The following NOX4 variants were observed in gnomAD, a reference collection of about 807,000 sequenced individuals.
NOX4 encodes the protein kidney oxidase-1.
Under a neutral mutation model 87.6 loss-of-function variants are expected in NOX4, and 69 were observed. That is an observed-to-expected ratio of 0.79 (90% CI 0.65 to 0.96). NOX4 has a LOEUF of 0.96. Ranked by LOEUF, NOX4 falls within the 40% of genes least tolerant of loss-of-function variation. The pLI is 0.00. For synonymous variants in NOX4, 275 were observed against 238.2 expected (o/e 1.15, Z -1.42); for missense variants, 680 against 681.5 (o/e 1.00, Z 0.02).
chr11:89,374,948 T>G (rs1939728547), intron 11 of NOX4, among the ~76,000 whole-genome samples: 1 of 151,996 alleles, frequency 6.6e-6, no homozygotes, highest in Non-Finnish European at 1.5e-5. Context: ...GAGAAATAAA[T>G]GAAGATAAAA....
chr11:89,344,939 T>C (rs1451325553), intron 13 of NOX4, among the ~76,000 whole-genome samples: 4 of 152,164 alleles, frequency 2.6e-5, no homozygotes, highest in Admixed American at 2.6e-4. Context: ...TCCAGGACAA[T>C]TATCATCTAA....
At position 89,400,360 on chromosome 11, in the gene NOX4, C is replaced by A; in HGVS notation, c.866G>T (p.Gly289Val). 6.3e-7 allele frequency: 1 copy of A among 1,577,706 alleles called. No individual in the cohort carries two copies. The highest frequency in any genetic ancestry group is 8.6e-7 in the Non-Finnish European group (1 of 1,165,164). ...TTCGGCACAGTACAGGCACAAAGGTCCAGAAATCCAAAGCCAAGTCTAAGA... is the reference window on the plus strand; with the variant it reads ...TTCGGCACAGTACAGGCACAAAGGTACAGAAATCCAAAGCCAAGTCTAAGA... Reference protein sequence around the residue: ...NFPQTWLWISGPLCLYCAERL... With the variant: ...NFPQTWLWISVPLCLYCAERL... The change falls in exon 10 of 18, where the codon GGA becomes GTA. Residue 289 changes from glycine (G) to valine (V), a missense_variant. By Grantham distance (109) the Gly-to-Val change is moderately radical (BLOSUM62 -3). Transcript: ENST00000263317.
At chr11:89,431,824 C>T (rs1429850391) in intron 7 of NOX4, among the ~76,000 whole-genome samples, 7 of 152,088 alleles carry the variant, frequency 4.6e-5, no homozygotes, top group Non-Finnish European at 1.0e-4. Flanking sequence ...CTAGAAATAC[C>T]ATTTGACCCA....
intron 12 of NOX4, among the ~76,000 whole-genome samples, chr11:89,358,166 C>G (rs1938217978): frequency 6.6e-6 from 1 of 151,966 alleles, no homozygotes; most frequent in Non-Finnish European, 1.5e-5. Flanking sequence ...ATGTGGATCA[C>G]CTGAGTTCAG....
intron 12 of NOX4, among the ~76,000 whole-genome samples, chr11:89,356,755 C>T (rs1410443652): frequency 6.6e-6 from 1 of 151,988 alleles, no homozygotes; most frequent in Non-Finnish European, 1.5e-5. Flanking sequence ...TATTGTGCCA[C>T]CAAGATACAG....
intron 1 of NOX4, chr11:89,490,811 G>A (rs879340865): frequency 8.6e-6 from 6 of 698,704 alleles, no homozygotes; most frequent in Non-Finnish European, 1.6e-5. Flanking sequence ...GCTATCCCCT[G>A]CCGTACAAAA....
intron 12 of NOX4, among the ~76,000 whole-genome samples, chr11:89,359,545 T>G (rs1360182532): frequency 6.6e-6 from 1 of 152,042 alleles, no homozygotes; most frequent in East Asian, 1.9e-4. Context: ...AAAAAATATA[T>G]AAAAAACAAA....
intron 2 of NOX4, among the ~76,000 whole-genome samples, chr11:89,467,020 G>T (rs141262683): frequency 2.6e-5 from 4 of 152,162 alleles, no homozygotes; most frequent in Admixed American, 1.3e-4. Flanking sequence ...AAGCTAATTG[G>T]GGGGAGCTCG....
chr11:89,545,943 C>T, the NOX4 span, among the ~76,000 whole-genome samples: 1 of 152,142 alleles, frequency 6.6e-6, no homozygotes, highest in Non-Finnish European at 1.5e-5. Context: ...ACTTATGGCA[C>T]ACCCATCAGC....
At chr11:89,559,664 T>C in the NOX4 span, among the ~76,000 whole-genome samples, 4 of 152,272 alleles carry the variant, frequency 2.6e-5, no homozygotes, top group Middle Eastern at 3.4e-3. Flanking sequence ...GTTTTTAGAA[T>C]GTATTACCAT....
At chr11:89,552,820 A>G in the NOX4 span, among the ~76,000 whole-genome samples, 1 of 131,048 alleles carries the variant, frequency 7.6e-6, no homozygotes, top group Admixed American at 7.3e-5. Flanking sequence ...GACAAACTTT[A>G]TCAAGTAACT....
At chr11:89,503,033 A>G (rs987786369), upstream of NOX4, among the ~76,000 whole-genome samples, 1 of 152,048 alleles carries the variant, frequency 6.6e-6, no homozygotes, top group African/African-American at 2.4e-5. Flanking sequence ...TAAATGAAAA[A>G]TACCCTTTAT....
intron 2 of NOX4, among the ~76,000 whole-genome samples, chr11:89,457,118 A>T (rs182571421): frequency 1.3e-5 from 2 of 152,270 alleles, no homozygotes; most frequent in East Asian, 3.9e-4. Flanking sequence ...GATGCACACT[A>T]GCCAACCTGC....
At chr11:89,411,390 A>G (rs1284285130) in intron 8 of NOX4, among the ~76,000 whole-genome samples, 3 of 152,094 alleles carry the variant, frequency 2.0e-5, no homozygotes, top group African/African-American at 7.2e-5. Flanking sequence ...TTACATACCA[A>G]TTCAGCCACA....
chr11:89,484,375 T>C (rs1171104948), intron 2 of NOX4, among the ~76,000 whole-genome samples: 2 of 152,122 alleles, frequency 1.3e-5, no homozygotes, highest in East Asian at 1.9e-4. Flanking sequence ...ACAACTATAA[T>C]ACTAAAAATA....
the NOX4 span, among the ~76,000 whole-genome samples, chr11:89,519,532 AG>A: frequency 1.3e-5 from 2 of 152,094 alleles, no homozygotes; most frequent in African/African-American, 4.8e-5. Context: ...ATCTTAAAAG[AG>A]GTGAACATTT....
intron 6 of NOX4, among the ~76,000 whole-genome samples, chr11:89,435,856 T>C (rs1039367482): frequency 6.6e-6 from 1 of 152,162 alleles, no homozygotes; most frequent in African/African-American, 2.4e-5. Flanking sequence ...TTTATAAAGT[T>C]ATCTCTTTTA....
At position 89,324,643 on chromosome 11, in the gene NOX4, G is replaced by A. The variant is rs895829099; in HGVS notation, c.*2113C>T. The A allele has an allele frequency of 2.6e-5, 4 of 152,088 alleles. No homozygotes were observed. Among genetic ancestry groups the A allele is most frequent in the East Asian group, 1.9e-4 (1 of 5,184 alleles). The allele number at this position is 152,088 out of a possible 1,614,324, so 9.4% of individuals were successfully genotyped here. The stretch of plus-strand genomic sequence containing the variant: ...TGAAATTAGGTCTATTAATATGATC[G>A]CATAAATAAATTATGATCAGTATAG... On this transcript the variant is annotated 3_prime_UTR_variant, in exon 18 of 18. Coordinates refer to ENST00000263317, the MANE Select transcript of NOX4 (RefSeq NM_016931.5).
chr11:89,567,241 C>A, the NOX4 span, among the ~76,000 whole-genome samples: 6 of 152,174 alleles, frequency 3.9e-5, no homozygotes, highest in African/African-American at 1.4e-4. Flanking sequence ...GCAGCTGCCA[C>A]CATAGCTACT....
Sources: allele counts gnomAD v4.1 joint callset (sites outside exome capture counted in the v4.1 genomes callset), GRCh38; gene constraint gnomAD v4.1.1; transcripts MANE v1.5; gene names NCBI Gene and HGNC (gene_info 2026-07-23, HGNC 2026-07-21).